The following PTPN13 variants were observed in gnomAD, a reference collection of about 807,000 sequenced individuals.
PTPN13 encodes the protein protein tyrosine phosphatase non-receptor type 13.
Under a neutral mutation model 284.0 loss-of-function variants are expected in PTPN13, and 191 were observed. The ratio of observed to expected loss-of-function variants is 0.67; its 90% CI spans 0.60 to 0.76. The LOEUF (loss-of-function observed/expected upper bound fraction) is 0.76, where lower values mean the gene tolerates loss of function less well. Among genes scored for constraint, PTPN13 ranks in the 30% least tolerant of loss-of-function variants. The probability of loss-of-function intolerance (pLI) is 0.00; values close to 1 mark genes in which losing one functional copy is unlikely to be tolerated. For missense variants in PTPN13, 2,797 were observed against 2,939.9 expected, an observed-to-expected ratio of 0.95 and a Z score of 1.12; for synonymous variants, 986 against 1,022.3, an observed-to-expected ratio of 0.96 and a Z score of 0.68.
intron 40 of PTPN13, among the ~76,000 whole-genome samples, chr4:86,791,797 G>C (rs981976726): frequency 6.6e-6 from 1 of 152,140 alleles, no homozygotes; most frequent in Admixed American, 6.5e-5. Context: ...CAAACAGAAA[G>C]GAATAGCATC....
chr4:86,776,368 A>G (rs1373107533), intron 35 of PTPN13, among the ~76,000 whole-genome samples: 3 of 152,196 alleles, frequency 2.0e-5, no homozygotes, highest in African/African-American at 4.8e-5. Flanking sequence ...CCTCCCTGTT[A>G]TCAGTTTTCA....
intron 13 of PTPN13, 24 bp from the exon 14 acceptor site, chr4:86,734,713 G>T: frequency 6.3e-7 from 1 of 1,597,690 alleles, no homozygotes; most frequent in Non-Finnish European, 8.6e-7. Flanking sequence ...AGGCCAAGAT[G>T]TCTGTGTGTG....
At chr4:86,779,026 A>G (rs933831221) in intron 35 of PTPN13, among the ~76,000 whole-genome samples, 44 of 150,984 alleles carry the variant, frequency 2.9e-4, no homozygotes, top group East Asian at 1.9e-4. Context: ...AAGAACCTAT[A>G]TGGCCTTCTT....
chr4:86,665,951 A>G (rs961483954), intron 2 of PTPN13, among the ~76,000 whole-genome samples: 2 of 152,184 alleles, frequency 1.3e-5, no homozygotes, highest in Admixed American at 1.3e-4. Flanking sequence ...CCACTTTTAT[A>G]TGGCACTTAC....
At position 86,751,116 on chromosome 4, in the gene PTPN13, A is replaced by G; in HGVS notation, c.3158A>G (p.Tyr1053Cys). The G allele has an allele frequency of 6.3e-7, 1 of 1,589,778 alleles. No homozygotes were observed. Among genetic ancestry groups the G allele is most frequent in the Non-Finnish European group, 8.6e-7 (1 of 1,158,460 alleles). Residue 1053 changes from tyrosine (Y) to cysteine (C), a missense_variant, in exon 19 of 48, where the codon TAT becomes TGT. By Grantham distance (194) the Tyr-to-Cys change is radical. Coordinates refer to ENST00000411767, the MANE Select transcript of PTPN13 (RefSeq NM_080683.3). ...TCCATTGAAGACCCTGGGCAAGCATATGTTCTAGGTCAGCAAAAACAAGCT... is the reference window on the plus strand; with the variant it reads ...TCCATTGAAGACCCTGGGCAAGCATGTGTTCTAGGTCAGCAAAAACAAGCT... Reference protein sequence around the residue: ...SSSIEDPGQAYVLGMTMHSSG... With the variant: ...SSSIEDPGQACVLGMTMHSSG...
chr4:86,803,900 T>C (rs770555635), intron 43 of PTPN13, 43 bp downstream of exon 43: 2 of 1,580,730 alleles, frequency 1.3e-6, no homozygotes, highest in Non-Finnish European at 1.7e-6. Flanking sequence ...AGTGTATGCA[T>C]TTAGTTTGTA....
intron 1 of PTPN13, among the ~76,000 whole-genome samples, chr4:86,621,666 G>A (rs1721263791): frequency 6.6e-6 from 1 of 152,102 alleles, no homozygotes; most frequent in African/African-American, 2.4e-5. Flanking sequence ...GACCTTTGCT[G>A]GGGATGTTTC....
intron 2 of PTPN13, among the ~76,000 whole-genome samples, chr4:86,635,634 T>G (rs1650948984): frequency 1.3e-5 from 2 of 152,126 alleles, no homozygotes; most frequent in African/African-American, 4.8e-5. Context: ...TCTTCTCAGT[T>G]TAGAGCTCAC....
At chr4:86,724,110 T>G (rs1239295677) in intron 10 of PTPN13, among the ~76,000 whole-genome samples, 2 of 152,214 alleles carry the variant, frequency 1.3e-5, no homozygotes, top group Non-Finnish European at 2.9e-5. Context: ...TCTTTATTCC[T>G]CATTGTGCTA....
At position 86,811,087 on chromosome 4, in the gene PTPN13, A is replaced by AC; in HGVS notation, c.7342dup (p.His2448ProfsTer41). The AC allele has an allele frequency of 6.2e-7, 1 of 1,613,688 alleles. No individual in the cohort carries two copies. Among genetic ancestry groups the AC allele is most frequent in the Non-Finnish European group, 8.5e-7 (1 of 1,179,682 alleles). On this transcript the variant is annotated frameshift_variant, in exon 47 of 48. Transcript: ENST00000411767. LOFTEE classifies it high-confidence loss of function. Reference sequence around the variant, plus strand: ...TGGTGCGCTGCATGAGACTACAAAGACACGGAATGGTTCAGACAGAGGTGA... The same window carrying AC: ...TGGTGCGCTGCATGAGACTACAAAGACCACGGAATGGTTCAGACAGAGGTGA...
Position 86,771,295 on chromosome 4 carries a change from G to A in PTPN13, c.4928G>A (p.Cys1643Tyr). 1.2e-6 allele frequency: 2 copies of A among 1,604,194 alleles called. No homozygotes were observed. Residue 1643 changes from cysteine (C) to tyrosine (Y), a missense_variant, in exon 31 of 48, where the codon TGC becomes TAC. Cys to Tyr is a radical substitution (Grantham distance 194, BLOSUM62 -2). Coordinates refer to ENST00000411767, the MANE Select transcript of PTPN13 (RefSeq NM_080683.3). ...NEMSDKSKKQ[C>Y]KSPSRRDSYS... Reference sequence around the variant, plus strand: ...ATGTCAGACAAAAGCAAAAAACAGTGCAAGTCCCCATCCAGAAGAGACAGT... The same window carrying A: ...ATGTCAGACAAAAGCAAAAAACAGTACAAGTCCCCATCCAGAAGAGACAGT...
chr4:86,664,757 C>T (rs1425429675), intron 2 of PTPN13, among the ~76,000 whole-genome samples: 1 of 152,038 alleles, frequency 6.6e-6, no homozygotes, highest in Non-Finnish European at 1.5e-5. Context: ...AGAGGAAGAA[C>T]ATAGTATTTC....
At chr4:86,806,821 G>A (rs1744711185) in intron 44 of PTPN13, among the ~76,000 whole-genome samples, 2 of 152,160 alleles carry the variant, frequency 1.3e-5, no homozygotes, top group African/African-American at 4.8e-5. Flanking sequence ...TCTAAGGTAT[G>A]TAATACATAT....
At chr4:86,621,281 T>C (rs1026489909) in intron 1 of PTPN13, among the ~76,000 whole-genome samples, 3 of 152,222 alleles carry the variant, frequency 2.0e-5, no homozygotes, top group Non-Finnish European at 4.4e-5. Context: ...TTTATCTCCA[T>C]TTAAAGATGT....
chr4:86,743,930 CAGAGACATTAGTCTT>C (rs1478232286), intron 16 of PTPN13, among the ~76,000 whole-genome samples: 2 of 152,164 alleles, frequency 1.3e-5, no homozygotes, highest in African/African-American at 2.4e-5. Context: ...AGTGGTTCTC[CAGAGACATTAGTCTT>C]AGATCCCCGA....
At chr4:86,802,155 G>C (rs545354261) in intron 42 of PTPN13, among the ~76,000 whole-genome samples, 1 of 151,622 alleles carries the variant, frequency 6.6e-6, no homozygotes, top group South Asian at 2.1e-4. Flanking sequence ...TAGTGTGTGT[G>C]TGTGTGTGTG....
At chr4:86,653,390 G>A (rs1243163235) in intron 2 of PTPN13, among the ~76,000 whole-genome samples, 3 of 152,066 alleles carry the variant, frequency 2.0e-5, no homozygotes, top group Non-Finnish European at 4.4e-5. Flanking sequence ...TTCTTGACAA[G>A]GCTTTCCATG....
chr4:86,629,938 A>T (rs1036370625), intron 1 of PTPN13, among the ~76,000 whole-genome samples: 2 of 152,008 alleles, frequency 1.3e-5, no homozygotes, highest in African/African-American at 2.4e-5. Context: ...TTTAAAAAGC[A>T]TTATTATATA....
In PTPN13 at chr4:86,793,659, A is replaced by T. The variant is rs562468613; in HGVS notation, c.6346-3215A>T. ...CAGAAATTATAACAAACTGTCTCTC[A>T]GACCACAGTGCAATCAAATTAGAAC... On this transcript the variant is annotated intron_variant, in intron 40 of 47. Coordinates refer to ENST00000411767, the MANE Select transcript of PTPN13 (RefSeq NM_080683.3). Among the ~76,000 whole-genome samples the T allele has an allele frequency of 1.4e-4, 21 of 152,348 alleles. No individual in the cohort carries two copies. In the South Asian group the frequency reaches 4.1e-3, roughly 30 times the overall value.
Sources: gnomAD v4.1 joint callset for allele counts (sites outside exome capture counted in the v4.1 genomes callset) on GRCh38, gnomAD v4.1.1 for gene constraint, MANE v1.5 for transcripts, NCBI Gene and HGNC (gene_info 2026-07-23, HGNC 2026-07-21) for gene names.